The following KCNT2 variants were observed in gnomAD, a reference collection of about 807,000 sequenced individuals.
KCNT2 encodes potassium sodium-activated channel subfamily T member 2.
In KCNT2, 67 loss-of-function variants were observed where a neutral mutation model predicts 153.8. The observed-to-expected ratio is 0.44, with a 90% CI of 0.36 to 0.53. The LOEUF (loss-of-function observed/expected upper bound fraction) is 0.53, where lower values mean the gene tolerates loss of function less well. Ranked by LOEUF, KCNT2 falls within the 20% of genes least tolerant of loss-of-function variation. The probability of loss-of-function intolerance (pLI) is 0.00; values close to 1 mark genes in which losing one functional copy is unlikely to be tolerated. For synonymous variants in KCNT2, 500 were observed against 458.8 expected (o/e 1.09, Z -1.15); for missense variants, 975 against 1,354.8 (o/e 0.72, Z 4.40).
intron 1 of KCNT2, among the ~76,000 whole-genome samples, chr1:196,507,697 G>A (rs1029267254): frequency 6.6e-6 from 1 of 151,992 alleles, no homozygotes; most frequent in Non-Finnish European, 1.5e-5. Context: ...TTATATAAAG[G>A]ATATGTTTTT....
chr1:196,237,010 A>G (rs954873748), intron 26 of KCNT2, among the ~76,000 whole-genome samples: 2 of 151,658 alleles, frequency 1.3e-5, no homozygotes, highest in African/African-American at 4.8e-5. Flanking sequence ...GTTGCAGACA[A>G]GAATGGCTCC....
chr1:196,514,476 G>A (rs1028666536), intron 1 of KCNT2, among the ~76,000 whole-genome samples: 22 of 151,944 alleles, frequency 1.4e-4, no homozygotes, highest in African/African-American at 5.3e-4. Flanking sequence ...CTTCTATGTG[G>A]GGAAAACACC....
intron 13 of KCNT2, among the ~76,000 whole-genome samples, chr1:196,396,835 AT>A (rs557815038): frequency 7.3e-5 from 11 of 150,112 alleles, no homozygotes; most frequent in African/African-American, 2.2e-4. Context: ...AATAGTCCGT[AT>A]TTTTTTTTAG....
intron 13 of KCNT2, among the ~76,000 whole-genome samples, chr1:196,391,333 G>A (rs1234938962): frequency 2.6e-5 from 4 of 151,284 alleles, no homozygotes; most frequent in Non-Finnish European, 5.9e-5. Context: ...AAAATGTTAT[G>A]AAAAAGTATT....
At chr1:196,500,490 T>G (rs955540074) in intron 1 of KCNT2, among the ~76,000 whole-genome samples, 7 of 152,190 alleles carry the variant, frequency 4.6e-5, no homozygotes, top group African/African-American at 1.7e-4. Flanking sequence ...CTAGAACATT[T>G]GTAAAATATT....
chr1:196,290,267 C>A (rs1368594150), intron 22 of KCNT2, among the ~76,000 whole-genome samples: 1 of 152,024 alleles, frequency 6.6e-6, no homozygotes, highest in East Asian at 1.9e-4. Flanking sequence ...CAGTGTTTGA[C>A]AAACTACATT....
chr1:196,257,272 TC>T (rs1418383278), intron 26 of KCNT2: 10 of 985,098 alleles, frequency 1.0e-5, no homozygotes, highest in Non-Finnish European at 1.2e-5. Context: ...GTGGGTTTTT[TC>T]CTTATTCAAA....
intron 22 of KCNT2, among the ~76,000 whole-genome samples, chr1:196,288,133 T>C (rs1302628476): frequency 7.1e-6 from 1 of 141,692 alleles, no homozygotes; most frequent in African/African-American, 3.0e-5. Flanking sequence ...TAAAAAAAAA[T>C]AAATAAATAA....
At chr1:196,355,453 T>C (rs1334252778) in intron 14 of KCNT2, among the ~76,000 whole-genome samples, 1 of 151,632 alleles carries the variant, frequency 6.6e-6, no homozygotes, top group Admixed American at 6.6e-5. Flanking sequence ...GTGGAGAGAA[T>C]AGGAAAATGC....
rs184028626 is a variant in KCNT2 at position 196,283,257 on chromosome 1, C to T, written c.2698-901G>A. Reference sequence around the variant, plus strand: ...GAGATCGAGACCAGCATGGCTAACACGGTGAAACCTTGTCTCCACTAAAAA... The same window carrying T: ...GAGATCGAGACCAGCATGGCTAACATGGTGAAACCTTGTCTCCACTAAAAA... On this transcript the variant is annotated intron_variant, in intron 23 of 27. Coordinates refer to ENST00000294725, the MANE Select transcript of KCNT2 (RefSeq NM_198503.5). Among the ~76,000 whole-genome samples, 216 of 152,158 alleles carry T rather than the reference C, an allele frequency of 1.4e-3. 1 individual carries two copies. Among genetic ancestry groups the T allele is most frequent in the African/African-American group, 4.6e-3 (192 of 41,530 alleles).
At chr1:196,543,654 T>C (rs1485900676) in intron 1 of KCNT2, among the ~76,000 whole-genome samples, 1 of 152,172 alleles carries the variant, frequency 6.6e-6, no homozygotes, top group African/African-American at 2.4e-5. Flanking sequence ...TGGATGGTCC[T>C]TAATGAATAA....
At chr1:196,350,994 G>A (rs1666632305) in intron 14 of KCNT2, among the ~76,000 whole-genome samples, 1 of 152,158 alleles carries the variant, frequency 6.6e-6, no homozygotes, top group African/African-American at 2.4e-5. Context: ...TGTCAGGTTT[G>A]TCAAAGATCA....
chr1:196,418,297 G>C (rs1374945967), intron 12 of KCNT2, among the ~76,000 whole-genome samples: 1 of 151,980 alleles, frequency 6.6e-6, no homozygotes, highest in Non-Finnish European at 1.5e-5. Context: ...CCAACATGGA[G>C]AAACTCCATC....
chr1:196,531,315 T>C (rs1283089860), intron 1 of KCNT2, among the ~76,000 whole-genome samples: 1 of 152,022 alleles, frequency 6.6e-6, no homozygotes, highest in Non-Finnish European at 1.5e-5. Flanking sequence ...CACCTGAGTA[T>C]TATAACATCA....
At chr1:196,310,471 A>G (rs868396324) in intron 21 of KCNT2, among the ~76,000 whole-genome samples, 6 of 152,090 alleles carry the variant, frequency 3.9e-5, no homozygotes, top group African/African-American at 7.2e-5. Flanking sequence ...CATGTAAACC[A>G]TCACCAATCT....
At chr1:196,527,483 A>G (rs892037292) in intron 1 of KCNT2, among the ~76,000 whole-genome samples, 4 of 152,196 alleles carry the variant, frequency 2.6e-5, no homozygotes, top group African/African-American at 9.6e-5. Context: ...AGGGTAACGT[A>G]AAATGAATGA....
rs1211934058 is a variant in KCNT2 at position 196,408,788 on chromosome 1, C to G, written c.1186-10117G>C. Among the ~76,000 whole-genome samples, 94 of 151,432 alleles carry G rather than the reference C, an allele frequency of 6.2e-4. 1 individual carries two copies. The Admixed American group carries it at 6.2e-3, about 10-fold the overall frequency. ...ATTCTCTGCTATATCTTTTCTGGTC[C>G]AGAATATGATGTATCTCTGTGAATG... On this transcript the variant is annotated intron_variant, in intron 12 of 27. Transcript: ENST00000294725.
intron 13 of KCNT2, among the ~76,000 whole-genome samples, chr1:196,398,343 C>T (rs1671123858): frequency 6.6e-6 from 1 of 151,340 alleles, no homozygotes; most frequent in Admixed American, 6.6e-5. Flanking sequence ...CTAAAATCAC[C>T]AAGTTATATA....
intron 13 of KCNT2, among the ~76,000 whole-genome samples, chr1:196,381,485 T>A (rs990210290): frequency 3.9e-5 from 6 of 152,164 alleles, no homozygotes; most frequent in Non-Finnish European, 2.9e-5. Context: ...TTATTAAACC[T>A]CTCAAAAGTT....
Sources: allele counts gnomAD v4.1 joint callset (sites outside exome capture counted in the v4.1 genomes callset), GRCh38; gene constraint gnomAD v4.1.1; transcripts MANE v1.5; gene names NCBI Gene and HGNC (gene_info 2026-07-23, HGNC 2026-07-21).